CDH2: variants seen among roughly 807,000 people sequenced by gnomAD.
CDH2 encodes cadherin-2.
CDH2 carries 17 observed loss-of-function variants against 92.0 expected under a neutral mutation model. That is an observed-to-expected ratio of 0.18 (90% CI 0.13 to 0.28). The LOEUF (loss-of-function observed/expected upper bound fraction) is 0.28. Ranked by LOEUF, CDH2 falls within the 10% of genes least tolerant of loss-of-function variation. The pLI, the probability that CDH2 is intolerant of heterozygous loss-of-function variation, is 1.00. For synonymous variants in CDH2, 419 were observed against 415.9 expected (o/e 1.01, Z -0.09); for missense variants, 862 against 1,133.1 (o/e 0.76, Z 3.44).
At chr18:27,959,366 A>C (rs1453438368) in intron 15 of CDH2, 1 of 152,210 alleles carries the variant, frequency 6.6e-6, no homozygotes, top group East Asian at 1.9e-4. Context: ...TATTCCTTAC[A>C]TCTATAAAAG....
At chr18:28,051,872 C>A (rs1180367937) in intron 2 of CDH2, among the ~76,000 whole-genome samples, 1 of 152,050 alleles carries the variant, frequency 6.6e-6, no homozygotes, top group Non-Finnish European at 1.5e-5. Flanking sequence ...TTGCAAAATA[C>A]ACAAAAAGAG....
intron 2 of CDH2, among the ~76,000 whole-genome samples, chr18:28,032,459 A>G (rs753395824): frequency 1.3e-5 from 2 of 152,172 alleles, no homozygotes; most frequent in African/African-American, 4.8e-5. Context: ...GAACAATATT[A>G]CATTAACATG....
intron 3 of CDH2, among the ~76,000 whole-genome samples, chr18:28,012,733 C>A (rs75448936): frequency 0.015 from 2,217 of 152,224 alleles, 53 homozygotes; most frequent in African/African-American, 0.051. Flanking sequence ...GACATGACTT[C>A]CCTCAACAGT....
At chr18:28,086,552 C>T (rs1052772819) in intron 2 of CDH2, among the ~76,000 whole-genome samples, 2 of 151,930 alleles carry the variant, frequency 1.3e-5, no homozygotes, top group African/African-American at 4.8e-5. Context: ...AGCATCATAT[C>T]CTGTCAAAAA....
At chr18:28,009,923 T>C in intron 4 of CDH2, 51 bp from the exon 5 acceptor site, 1 of 1,456,090 alleles carries the variant, frequency 6.9e-7, no homozygotes, top group Non-Finnish European at 9.4e-7. Flanking sequence ...ATGAGCTCAT[T>C]ATCAGAGATG....
At chr18:27,945,323 ATTTTTT>A (rs66537834) in intron 6 of CDH2, among the ~76,000 whole-genome samples, 90 of 66,464 alleles carry the variant, frequency 1.4e-3, no homozygotes, top group Non-Finnish European at 1.8e-3. Flanking sequence ...AGGAAGGAAG[ATTTTTT>A]TTTTTTTTTT....
intron 2 of CDH2, among the ~76,000 whole-genome samples, chr18:28,031,500 A>C (rs1387550411): frequency 2.0e-5 from 3 of 152,082 alleles, no homozygotes; most frequent in Non-Finnish European, 4.4e-5. Context: ...CTACACACAG[A>C]ACAAAATCCT....
intron 2 of CDH2, among the ~76,000 whole-genome samples, chr18:28,127,471 T>C (rs2015696370): frequency 1.3e-5 from 2 of 152,214 alleles, no homozygotes; most frequent in African/African-American, 4.8e-5. Flanking sequence ...AAAGGGAAAA[T>C]ACTTTCCTTA....
intron 2 of CDH2, among the ~76,000 whole-genome samples, chr18:28,063,193 A>C (rs2144150139): frequency 6.6e-6 from 1 of 152,296 alleles, no homozygotes; most frequent in South Asian, 2.1e-4. Context: ...TTGGGAAAAA[A>C]AATTATTATG....
At chr18:27,983,549 C>A (rs1480335931) in intron 13 of CDH2, among the ~76,000 whole-genome samples, 3 of 152,212 alleles carry the variant, frequency 2.0e-5, no homozygotes, top group African/African-American at 7.2e-5. Context: ...GAGGACAAAG[C>A]TTGCCCAGAT....
At chr18:27,993,669 A>T in intron 7 of CDH2, 32 bp from the exon 8 acceptor site, 1 of 1,511,086 alleles carries the variant, frequency 6.6e-7, no homozygotes, top group Non-Finnish European at 9.2e-7. Flanking sequence ...AACTTAAATG[A>T]AACTAATTCC....
chr18:28,017,189 G>C (rs1599036464), intron 2 of CDH2, among the ~76,000 whole-genome samples: 1 of 152,080 alleles, frequency 6.6e-6, no homozygotes. Context: ...CAATAGGGTT[G>C]GTACCAATTC....
chr18:28,080,477 T>C (rs1482620276), intron 2 of CDH2, among the ~76,000 whole-genome samples: 1 of 152,090 alleles, frequency 6.6e-6, no homozygotes, highest in Non-Finnish European at 1.5e-5. Flanking sequence ...AGCACCCAAA[T>C]TTAATAACTA....
At chr18:28,043,484 AT>A (rs2013998932) in intron 2 of CDH2, among the ~76,000 whole-genome samples, 5 of 76,436 alleles carry the variant, frequency 6.5e-5, no homozygotes, top group African/African-American at 2.1e-4. Context: ...ATATATATAT[AT>A]ATATATATAA....
intron 6 of CDH2, among the ~76,000 whole-genome samples, chr18:27,945,562 CTT>C (rs1384969938): frequency 6.6e-6 from 1 of 151,962 alleles, no homozygotes; most frequent in African/African-American, 2.4e-5. Flanking sequence ...AAGGAAAAAA[CTT>C]TTAAATCAAA....
chr18:28,070,154 T>C (rs546990140), intron 2 of CDH2, among the ~76,000 whole-genome samples: 5 of 152,114 alleles, frequency 3.3e-5, no homozygotes, highest in Admixed American at 6.5e-5. Context: ...CAAGAAAACA[T>C]ATGGTAAACT....
At chr18:28,112,003 A>T (rs908788641) in intron 2 of CDH2, among the ~76,000 whole-genome samples, 1 of 152,212 alleles carries the variant, frequency 6.6e-6, no homozygotes, top group Non-Finnish European at 1.5e-5. Context: ...TTCTATCTAC[A>T]AAACTAGAAG....
intron 2 of CDH2, among the ~76,000 whole-genome samples, chr18:28,122,678 G>A (rs950010890): frequency 6.6e-6 from 1 of 152,078 alleles, no homozygotes; most frequent in Non-Finnish European, 1.5e-5. Flanking sequence ...AAAACACTAA[G>A]AAATAAACTC....
chr18:28,000,480 A>G (rs1445043238), intron 7 of CDH2, among the ~76,000 whole-genome samples: 1 of 152,130 alleles, frequency 6.6e-6, no homozygotes, highest in African/African-American at 2.4e-5. Flanking sequence ...CCATTTATGG[A>G]TGCAGGAGCT....
Sources: gnomAD v4.1 joint callset for allele counts (sites outside exome capture counted in the v4.1 genomes callset) on GRCh38, gnomAD v4.1.1 for gene constraint, MANE v1.5 for transcripts, NCBI Gene and HGNC (gene_info 2026-07-23, HGNC 2026-07-21) for gene names.